TPD52: variants seen among roughly 807,000 people sequenced by gnomAD.
TPD52 encodes the protein tumor protein D52, also known as prostate and colon associated protein.
Under a neutral mutation model 31.3 loss-of-function variants are expected in TPD52, and 17 were observed. The observed-to-expected ratio is 0.54, with a 90% confidence interval of 0.37 to 0.82. The LOEUF is 0.82. TPD52 is among the 40% of genes least tolerant of loss of function. The pLI is 0.00. For synonymous variants in TPD52, 83 were observed against 89.6 expected, an observed-to-expected ratio of 0.93 and a Z score of 0.42; for missense variants, 212 against 240.1, an observed-to-expected ratio of 0.88 and a Z score of 0.77.
intron 1 of TPD52, among the ~76,000 whole-genome samples, chr8:80,090,900 C>T (rs1816205762): frequency 6.6e-6 from 1 of 152,360 alleles, no homozygotes; most frequent in Non-Finnish European, 1.5e-5. Flanking sequence ...GAACCCCTAA[C>T]AGTCTACTTA....
At chr8:80,085,345 T>C (rs1423328819) in intron 1 of TPD52, among the ~76,000 whole-genome samples, 3 of 151,898 alleles carry the variant, frequency 2.0e-5, no homozygotes, top group African/African-American at 7.3e-5. Flanking sequence ...ATAAAGAAAA[T>C]TAAGTTTCTG....
In TPD52 at chr8:80,158,286, A is replaced by G. The variant is rs115269929; in HGVS notation, c.19+13139T>C. On this transcript the variant is annotated intron_variant, in intron 1 of 7. Transcript: ENST00000518937. The stretch of plus-strand genomic sequence containing the variant: ...CCCACTCCTCTTCAACCCCAACCCA[A>G]TTCTCCTCAACTCCACCCCCCACCC... Among the ~76,000 whole-genome samples the G allele has an allele frequency of 5.8e-3, 880 of 151,084 alleles. 7 individuals are homozygous for G. Among genetic ancestry groups the G allele is most frequent in the African/African-American group, 0.02 (802 of 41,122 alleles).
intron 1 of TPD52, chr8:80,159,030 G>A (rs940203108): frequency 6.6e-6 from 1 of 150,980 alleles, no homozygotes; most frequent in African/African-American, 2.4e-5. Flanking sequence ...TACTTATTGA[G>A]CACTATGTCC....
chr8:80,164,898 C>CAAAAAAAAAAAAA (rs34027501), intron 1 of TPD52, among the ~76,000 whole-genome samples: 15 of 31,900 alleles, frequency 4.7e-4, no homozygotes, highest in African/African-American at 1.2e-3. Flanking sequence ...GACAATGTCT[C>CAAAAAAAAAAAAA]AAAAAAAAAA....
intron 1 of TPD52, among the ~76,000 whole-genome samples, chr8:80,077,144 G>A (rs984327857): frequency 6.6e-6 from 1 of 151,938 alleles, no homozygotes; most frequent in African/African-American, 2.4e-5. Flanking sequence ...ATGTGGTGAC[G>A]CGCACCTATA....
chr8:80,056,138 G>A (rs1056353219), intron 2 of TPD52, among the ~76,000 whole-genome samples: 3 of 152,148 alleles, frequency 2.0e-5, no homozygotes, highest in Non-Finnish European at 4.4e-5. Flanking sequence ...ATCAACAGGT[G>A]AATGGATAAA....
At position 80,059,991 on chromosome 8, in the gene TPD52, G is replaced by C. The variant is rs547185046; in HGVS notation, c.135+4487C>G. ...AGCTACCAGGGAGGCTGAGGTACAA[G>C]AATTGCTTGAACCCTGGAGGCAGAG... On this transcript the variant is annotated intron_variant, in intron 2 of 7. Coordinates refer to ENST00000518937, the MANE Select transcript of TPD52 (RefSeq NM_001025253.3). 5.3e-5 allele frequency among the ~76,000 whole-genome samples: 8 copies of C among 151,830 alleles called. No homozygotes were observed. The South Asian group carries it at 1.7e-3, about 32-fold the overall frequency.
Position 80,051,672 on chromosome 8 carries a change from C to G in TPD52, c.285-44G>C, listed in dbSNP as rs770081326. ...ACACAGAGCAAAAGAAGGGTCAGCT[C>G]ATCTTTTCTAATATCAATTGTTTCA... On this transcript the variant is annotated intron_variant, in intron 3 of 7. Coordinates refer to ENST00000518937, the MANE Select transcript of TPD52 (RefSeq NM_001025253.3). 8 of 1,466,044 alleles carry G rather than the reference C, an allele frequency of 5.5e-6. No individual in the cohort carries two copies. The South Asian group carries it at 9.1e-5, about 17-fold the overall frequency. The allele number at this position is 1,466,044 out of a possible 1,614,324, so 90.8% of individuals were successfully genotyped here.
chr8:80,108,537 C>T (rs955359738), intron 1 of TPD52, among the ~76,000 whole-genome samples: 2 of 152,138 alleles, frequency 1.3e-5, no homozygotes, highest in Non-Finnish European at 1.5e-5. Context: ...CATTTGCAAT[C>T]AGCTATAGTC....
At chr8:80,038,322 GA>G (rs1188428932) in intron 7 of TPD52, 87 bp from the exon 8 acceptor site, 45 of 1,397,392 alleles carry the variant, frequency 3.2e-5, no homozygotes, top group Non-Finnish European at 4.1e-5. Context: ...TCACTTTCAA[GA>G]ACAAATACAT....
chr8:80,123,322 T>C (rs1351386282), intron 1 of TPD52, among the ~76,000 whole-genome samples: 1 of 152,054 alleles, frequency 6.6e-6, no homozygotes, highest in African/African-American at 2.4e-5. Flanking sequence ...ATAAAATGTG[T>C]AGGTCTTATT....
intron 1 of TPD52, among the ~76,000 whole-genome samples, chr8:80,072,404 T>C (rs1813951618): frequency 6.9e-6 from 1 of 145,230 alleles, no homozygotes; most frequent in South Asian, 2.2e-4. Flanking sequence ...TACACATAGA[T>C]ATGCGTGTAT....
At chr8:80,099,859 CA>C (rs1411818780) in intron 1 of TPD52, among the ~76,000 whole-genome samples, 1 of 152,186 alleles carries the variant, frequency 6.6e-6, no homozygotes, top group African/African-American at 2.4e-5. Flanking sequence ...CTATTGAATG[CA>C]GAAGTAGAAC....
intron 1 of TPD52, among the ~76,000 whole-genome samples, chr8:80,128,296 T>A (rs997884556): frequency 6.6e-6 from 1 of 152,048 alleles, no homozygotes; most frequent in East Asian, 1.9e-4. Context: ...CTTTAATAAG[T>A]AAGATATTTT....
chr8:80,047,834 C>A (rs545430265), intron 5 of TPD52, among the ~76,000 whole-genome samples: 1 of 152,108 alleles, frequency 6.6e-6, no homozygotes, highest in Non-Finnish European at 1.5e-5. Context: ...AAGAAACACA[C>A]ATTTAAAAAG....
At chr8:80,047,324 G>A (rs981511868) in intron 5 of TPD52, among the ~76,000 whole-genome samples, 2 of 152,106 alleles carry the variant, frequency 1.3e-5, no homozygotes, top group Non-Finnish European at 2.9e-5. Context: ...AGGTACTATT[G>A]TCTCGCTGGG....
At chr8:80,096,073 T>C (rs985873460) in intron 1 of TPD52, among the ~76,000 whole-genome samples, 11 of 152,094 alleles carry the variant, frequency 7.2e-5, no homozygotes, top group Non-Finnish European at 1.2e-4. Context: ...CTGGGTAACA[T>C]GACAAAAACC....
chr8:80,132,032 C>CTT (rs72390353), intron 1 of TPD52, among the ~76,000 whole-genome samples: 2 of 143,402 alleles, frequency 1.4e-5, no homozygotes, highest in East Asian at 2.0e-4. Flanking sequence ...TTCTTTCTTT[C>CTT]TTTTTTTTTT....
intron 1 of TPD52, chr8:80,158,861 G>A (rs1466460723): frequency 5.6e-5 from 8 of 143,212 alleles, no homozygotes; most frequent in South Asian, 2.2e-4. Flanking sequence ...GGAGAATGGC[G>A]TGAACCCGGG....
Sources: allele counts gnomAD v4.1 joint callset (sites outside exome capture counted in the v4.1 genomes callset), GRCh38; gene constraint gnomAD v4.1.1; transcripts MANE v1.5; gene names NCBI Gene and HGNC (gene_info 2026-07-23, HGNC 2026-07-21).